FER: variants seen among roughly 807,000 people sequenced by gnomAD.
FER encodes the protein FER tyrosine kinase.
In FER, 63 loss-of-function variants were observed where a neutral mutation model predicts 111.0. That is an observed-to-expected ratio of 0.57 (90% CI 0.46 to 0.70). FER has a LOEUF of 0.70. FER is among the 30% of genes least tolerant of loss of function. FER has a pLI of 0.00. For synonymous variants in FER, 327 were observed against 313.9 expected (o/e 1.04, Z -0.44); for missense variants, 914 against 954.0 (o/e 0.96, Z 0.55).
intron 17 of FER, among the ~76,000 whole-genome samples, chr5:109,121,283 T>C (rs1042491516): frequency 6.6e-6 from 1 of 152,106 alleles, no homozygotes; most frequent in Non-Finnish European, 1.5e-5. Flanking sequence ...TACCAAGTTT[T>C]CAGAGGGTTT....
chr5:109,178,078 A>G (rs1757900938), intron 17 of FER, among the ~76,000 whole-genome samples: 1 of 152,226 alleles, frequency 6.6e-6, no homozygotes, highest in Non-Finnish European at 1.5e-5. Context: ...CTTATCTCCC[A>G]AATTAGATTG....
At chr5:108,911,723 C>G (rs907659629) in intron 10 of FER, among the ~76,000 whole-genome samples, 9 of 152,044 alleles carry the variant, frequency 5.9e-5, no homozygotes, top group African/African-American at 2.2e-4. Flanking sequence ...GATAGGGTAG[C>G]CTTTCCTCAC....
rs1197257166 is a variant in FER at position 108,966,172 on chromosome 5, C to T, written c.1656+6825C>T. ...TCATTATGTTTTTAGTCAGAAGAGCCAGGTTTTCAGTAATTACTTCTATAC... is the reference window on the plus strand; with the variant it reads ...TCATTATGTTTTTAGTCAGAAGAGCTAGGTTTTCAGTAATTACTTCTATAC... On this transcript the variant is annotated intron_variant, in intron 13 of 19. Transcript: ENST00000281092. 2.0e-5 allele frequency among the ~76,000 whole-genome samples: 3 copies of T among 151,964 alleles called. 1 individual carries two copies. Among genetic ancestry groups the T allele is most frequent in the Admixed American group, 2.0e-4 (3 of 15,228 alleles).
intron 18 of FER, among the ~76,000 whole-genome samples, chr5:109,184,183 C>T (rs893503411): frequency 6.6e-6 from 1 of 152,108 alleles, no homozygotes; most frequent in Non-Finnish European, 1.5e-5. Context: ...CCTTTTGTCA[C>T]CTGGGTATTT....
chr5:108,992,083 C>T (rs141090168), intron 13 of FER, among the ~76,000 whole-genome samples: 8,814 of 151,854 alleles, frequency 0.058, 395 homozygotes, highest in South Asian at 0.12. Flanking sequence ...TGACTCTTAA[C>T]GAGCATGCTG....
chr5:109,125,851 T>C (rs1308305380), intron 17 of FER, among the ~76,000 whole-genome samples: 1 of 152,238 alleles, frequency 6.6e-6, no homozygotes, highest in Non-Finnish European at 1.5e-5. Flanking sequence ...ATATCCTTTT[T>C]CCTAAACTGG....
rs1482672387 is a variant in FER, at chr5:108,887,646, A to G, written c.1046+4128A>G. ...TTAATGTACTTCGTGCATTTAGTGT[A>G]TTTAATATGCTAAAATTTTGTATTG... On this transcript the variant is annotated intron_variant, in intron 9 of 19. Transcript: ENST00000281092. Among the ~76,000 whole-genome samples the G allele has an allele frequency of 2.6e-5, 4 of 151,930 alleles. No homozygotes were observed. In the East Asian group the frequency reaches 7.7e-4, roughly 29 times the overall value.
chr5:108,790,235 CCACACACACACACACACACACA>C (rs66805209), intron 2 of FER, among the ~76,000 whole-genome samples: 1 of 145,094 alleles, frequency 6.9e-6, no homozygotes, highest in South Asian at 2.2e-4. Context: ...TGCATACACA[CCACACACACACACACACACACA>C]CACACACACA....
intron 9 of FER, among the ~76,000 whole-genome samples, chr5:108,893,099 C>T (rs868590883): frequency 0.012 from 1,764 of 152,090 alleles, 32 homozygotes; most frequent in African/African-American, 0.04. Flanking sequence ...AGTCAGGTAT[C>T]GTGATGCCTC....
At chr5:108,777,616 A>G (rs751523293) in intron 2 of FER, among the ~76,000 whole-genome samples, 33 of 152,178 alleles carry the variant, frequency 2.2e-4, no homozygotes, top group Admixed American at 5.2e-4. Context: ...CCTGGCAACC[A>G]CTGATCTTTT....
At chr5:108,826,077 CT>C (rs1434850372) in intron 3 of FER, among the ~76,000 whole-genome samples, 3 of 152,096 alleles carry the variant, frequency 2.0e-5, no homozygotes, top group Non-Finnish European at 2.9e-5. Context: ...CATATCTAGC[CT>C]TTATTATGTT....
chr5:109,043,948 C>T (rs1463910810), intron 14 of FER, among the ~76,000 whole-genome samples: 1 of 149,516 alleles, frequency 6.7e-6, no homozygotes, highest in East Asian at 2.0e-4. Context: ...TCCAGACTGG[C>T]AACAGAGTGA....
intron 16 of FER, among the ~76,000 whole-genome samples, chr5:109,062,890 T>C (rs1223286992): frequency 2.0e-5 from 3 of 152,226 alleles, no homozygotes; most frequent in Non-Finnish European, 4.4e-5. Context: ...TCATGGCCCT[T>C]GGCAATCCTC....
Position 109,077,312 on chromosome 5 carries a change from T to A in FER, c.1925-23084T>A, listed in dbSNP as rs868814481. On this transcript the variant is annotated intron_variant, in intron 16 of 19. Coordinates refer to ENST00000281092, the MANE Select transcript of FER (RefSeq NM_005246.4). ...CTTTCTTAGATTTTTACATCAATCT[T>A]GATTTTTACCTTATTATATGAATTA... Among the ~76,000 whole-genome samples, 67 of 152,340 alleles carry A rather than the reference T, an allele frequency of 4.4e-4. 1 individual carries two copies. Among genetic ancestry groups the A allele is most frequent in the African/African-American group, 1.6e-3 (66 of 41,576 alleles).
At chr5:109,007,130 C>T (rs1053932528) in intron 13 of FER, among the ~76,000 whole-genome samples, 5 of 152,116 alleles carry the variant, frequency 3.3e-5, no homozygotes, top group African/African-American at 1.2e-4. Context: ...GTTTTAATTA[C>T]ATTGTCTATT....
At chr5:108,923,659 C>T (rs868483134) in intron 10 of FER, among the ~76,000 whole-genome samples, 49 of 152,076 alleles carry the variant, frequency 3.2e-4, no homozygotes, top group African/African-American at 1.2e-3. Flanking sequence ...AAAAGTGGAG[C>T]CTTACTTTCC....
At chr5:108,807,476 G>T (rs1387277290) in intron 3 of FER, among the ~76,000 whole-genome samples, 2 of 152,126 alleles carry the variant, frequency 1.3e-5, no homozygotes, top group African/African-American at 4.8e-5. Flanking sequence ...TGTCACCTTT[G>T]TGATTTCTTA....
At position 108,916,368 on chromosome 5, in the gene FER, A is replaced by T. The variant is rs181611647; in HGVS notation, c.1236+18520A>T. On this transcript the variant is annotated intron_variant, in intron 10 of 19. Coordinates refer to ENST00000281092, the MANE Select transcript of FER (RefSeq NM_005246.4). ...ATTCATTCCAAATTGTTGATTCCCA[A>T]AGTTTTTATTGGGAGGTATTTAATA... Among the ~76,000 whole-genome samples, 4 of 152,210 alleles carry T rather than the reference A, an allele frequency of 2.6e-5. No homozygotes were observed. The East Asian group carries it at 5.8e-4, about 22-fold the overall frequency.
chr5:109,086,192 A>G (rs887073915), intron 16 of FER, among the ~76,000 whole-genome samples: 1 of 151,794 alleles, frequency 6.6e-6, no homozygotes, highest in Non-Finnish European at 1.5e-5. Flanking sequence ...TGTTTTAGCT[A>G]CAAATTTAGT....
Sources: gnomAD v4.1 joint callset for allele counts (sites outside exome capture counted in the v4.1 genomes callset) on GRCh38, gnomAD v4.1.1 for gene constraint, MANE v1.5 for transcripts, NCBI Gene and HGNC (gene_info 2026-07-23, HGNC 2026-07-21) for gene names.